Variants in STK32B observed in about 807,000 individuals in gnomAD.
STK32B encodes serine/threonine-protein kinase 32B.
A neutral mutation model predicts 52.6 loss-of-function variants in STK32B; 43 were observed. The observed-to-expected ratio is 0.82, with a 90% CI of 0.64 to 1.05. The LOEUF (loss-of-function observed/expected upper bound fraction) is 1.05, where lower values mean the gene tolerates loss of function less well. Among genes scored for constraint, STK32B ranks in the 50% least tolerant of loss-of-function variants. The pLI is 0.00. For missense variants in STK32B, 621 were observed against 534.6 expected (o/e 1.16, Z -1.59); for synonymous variants, 238 against 204.3 (o/e 1.17, Z -1.41).
chr4:5,493,016 TC>T, intron 11 of STK32B, among the ~76,000 whole-genome samples: 1 of 151,610 alleles, frequency 6.6e-6, no homozygotes, highest in South Asian at 2.1e-4. Context: ...TCAATGTTCA[TC>T]AAGGATATTG....
chr4:5,039,336 TC>T, the STK32B span, among the ~76,000 whole-genome samples: 5 of 152,292 alleles, frequency 3.3e-5, no homozygotes, highest in East Asian at 9.6e-4. Context: ...TAAGCGTTTT[TC>T]TACTTAAAAA....
chr4:5,225,726 A>G (rs1723821302), intron 3 of STK32B, among the ~76,000 whole-genome samples: 1 of 152,226 alleles, frequency 6.6e-6, no homozygotes. Context: ...ATATCCTCTT[A>G]GCTGGAAGGG....
At chr4:5,442,874 G>C (rs1472703725) in intron 6 of STK32B, among the ~76,000 whole-genome samples, 1 of 151,684 alleles carries the variant, frequency 6.6e-6, no homozygotes, top group Non-Finnish European at 1.5e-5. Context: ...AGCTTAGTTT[G>C]GCTGGATATG....
chr4:5,435,061 G>A (rs1713938029), intron 6 of STK32B, among the ~76,000 whole-genome samples: 1 of 152,178 alleles, frequency 6.6e-6, no homozygotes. Flanking sequence ...AGGATGGGAA[G>A]ACTGACATGT....
chr4:5,153,835 C>T (rs1717574098), intron 2 of STK32B, among the ~76,000 whole-genome samples: 2 of 151,954 alleles, frequency 1.3e-5, no homozygotes, highest in Admixed American at 1.3e-4. Context: ...GTATAGCAAG[C>T]TTGAAGAATA....
intron 3 of STK32B, among the ~76,000 whole-genome samples, chr4:5,316,681 TAA>T (rs1404763811): frequency 0.46 from 725 of 1,586 alleles, 181 homozygotes; most frequent in Admixed American, 0.5. Context: ...ATATATAATA[TAA>T]TATAATATAT....
At chr4:5,442,274 G>A (rs1205116792) in intron 6 of STK32B, among the ~76,000 whole-genome samples, 3 of 151,170 alleles carry the variant, frequency 2.0e-5, no homozygotes, top group Non-Finnish European at 2.9e-5. Flanking sequence ...CTTGCTTCAT[G>A]AATCTTGGTG....
chr4:5,476,709 G>C (rs1161142297), intron 11 of STK32B, among the ~76,000 whole-genome samples: 1 of 151,928 alleles, frequency 6.6e-6, no homozygotes, highest in Non-Finnish European at 1.5e-5. Flanking sequence ...TTTGGAAACA[G>C]GGTTTTTGCA....
Position 5,274,831 on chromosome 4 carries a change from C to A in STK32B, c.261-56389C>A, listed in dbSNP as rs956079752. On this transcript the variant is annotated intron_variant, in intron 3 of 11. Transcript: ENST00000282908. ...GCTGTTTGCCGCGGTTGCAGACCCG[C>A]CGCTGACTTTCATCCCTCCAGATCC... is the stretch of plus-strand genomic sequence containing the variant. 3.9e-5 allele frequency among the ~76,000 whole-genome samples: 6 copies of A among 152,186 alleles called. No homozygotes were observed. In the South Asian group the frequency reaches 8.3e-4, roughly 21 times the overall value.
intron 4 of STK32B, 47 bp downstream of exon 4, chr4:5,331,440 T>C (rs776279043): frequency 1.9e-6 from 3 of 1,567,656 alleles, no homozygotes; most frequent in Admixed American, 1.8e-5. Flanking sequence ...GACCATGGGC[T>C]AGGGTGTCAG....
chr4:5,278,701 C>T (rs548500628), intron 3 of STK32B, among the ~76,000 whole-genome samples: 8 of 152,246 alleles, frequency 5.3e-5, no homozygotes, highest in Admixed American at 3.9e-4. Flanking sequence ...ACTATAAAGA[C>T]ATACCTGAGA....
At chr4:5,174,291 G>A (rs1383679039) in intron 3 of STK32B, among the ~76,000 whole-genome samples, 2 of 152,120 alleles carry the variant, frequency 1.3e-5, no homozygotes, top group African/African-American at 2.4e-5. Flanking sequence ...GGAGCATTTA[G>A]CCCATTTACA....
At chr4:5,236,668 T>C (rs747483135) in intron 3 of STK32B, among the ~76,000 whole-genome samples, 15 of 152,194 alleles carry the variant, frequency 9.9e-5, no homozygotes, top group Non-Finnish European at 1.5e-4. Flanking sequence ...TGTTCAACAG[T>C]GTGTTTGTGA....
intron 11 of STK32B, among the ~76,000 whole-genome samples, chr4:5,489,478 C>T (rs1223380838): frequency 6.6e-6 from 1 of 152,000 alleles, no homozygotes; most frequent in Non-Finnish European, 1.5e-5. Flanking sequence ...AGGCTGGGTT[C>T]ATAGCCTTAT....
At chr4:5,454,362 G>C (rs1716305008) in intron 7 of STK32B, among the ~76,000 whole-genome samples, 1 of 152,092 alleles carries the variant, frequency 6.6e-6, no homozygotes, top group Non-Finnish European at 1.5e-5. Flanking sequence ...TTCCTCCTGA[G>C]GCTGAGGGAA....
At chr4:5,342,248 C>T (rs1410333278) in intron 4 of STK32B, among the ~76,000 whole-genome samples, 2 of 152,098 alleles carry the variant, frequency 1.3e-5, no homozygotes, top group South Asian at 2.1e-4. Flanking sequence ...GACACATGCA[C>T]ACGTATGTTT....
chr4:5,292,224 C>T (rs1309306543), intron 3 of STK32B, among the ~76,000 whole-genome samples: 1 of 152,092 alleles, frequency 6.6e-6, no homozygotes, highest in East Asian at 1.9e-4. Flanking sequence ...CTCCAAATTG[C>T]TTTCTATGGG....
chr4:5,266,574 A>T (rs1727069926), intron 3 of STK32B, among the ~76,000 whole-genome samples: 1 of 152,188 alleles, frequency 6.6e-6, no homozygotes, highest in Non-Finnish European at 1.5e-5. Flanking sequence ...GTGACCAAGG[A>T]ACATACAGTG....
chr4:5,495,778 T>A (rs1720181066), intron 11 of STK32B, among the ~76,000 whole-genome samples: 1 of 152,220 alleles, frequency 6.6e-6, no homozygotes, highest in Non-Finnish European at 1.5e-5. Flanking sequence ...TTCTGTTTGT[T>A]AGTTTTCCTT....
Sources: allele counts gnomAD v4.1 joint callset (sites outside exome capture counted in the v4.1 genomes callset), GRCh38; gene constraint gnomAD v4.1.1; transcripts MANE v1.5; gene names NCBI Gene and HGNC (gene_info 2026-07-23, HGNC 2026-07-21).